F2: variants seen among roughly 807,000 people sequenced by gnomAD.
F2 encodes prothrombin.
F2 carries 34 observed loss-of-function variants against 81.9 expected under a neutral mutation model. The observed-to-expected ratio is 0.42, with a 90% confidence interval of 0.32 to 0.55. The LOEUF (loss-of-function observed/expected upper bound fraction) is 0.55. F2 is among the 20% of genes least tolerant of loss of function. F2 has a pLI of 0.18. For synonymous variants in F2, 296 were observed against 326.4 expected, an observed-to-expected ratio of 0.91 and a Z score of 1.01; for missense variants, 630 against 833.4, an observed-to-expected ratio of 0.76 and a Z score of 3.00.
chr11:46,720,676 C>G, intron 3 of F2, 114 bp from the exon 4 acceptor site: 3 of 1,495,786 alleles, frequency 2.0e-6, no homozygotes, highest in Non-Finnish European at 1.9e-6. Flanking sequence ...CTTCCTTGGT[C>G]CCTCCCATCT....
rs766344504 is a variant in F2, at chr11:46,728,177, G to T, written c.1298+14G>T. On this transcript the variant is annotated intron_variant, in intron 10 of 13. Coordinates refer to ENST00000311907, the MANE Select transcript of F2 (RefSeq NM_000506.5). This position sits in a 1 kb window ranked among gnomAD's most constrained non-coding sequence, Gnocchi z 5.1. ...CTCCCGCACCAGGTACAGAACTGGT[G>T]GCCCGTGGGTGTCTGGCAGGGGTCT... The T allele has an allele frequency of 1.2e-6, 2 of 1,603,434 alleles. No homozygotes were observed. Among genetic ancestry groups the T allele is most frequent in the East Asian group, 4.5e-5 (2 of 44,682 alleles).
rs1463137128 is a variant in F2 at position 46,723,881 on chromosome 11, ACT to A, written c.559+366_559+367del. Among the ~76,000 whole-genome samples the A allele has an allele frequency of 3.3e-5, 5 of 151,066 alleles. No individual in the cohort carries two copies. Among genetic ancestry groups the A allele is most frequent in the African/African-American group, 9.7e-5 (4 of 41,130 alleles). ...CTTCAGCCTGGGCGACAAGAGCAAA[ACT>A]CTGTCTCAAAGAAAAAAAAAAGATG... On this transcript the variant is annotated intron_variant, in intron 6 of 13. Coordinates refer to ENST00000311907, the MANE Select transcript of F2 (RefSeq NM_000506.5). The surrounding 1 kb of genome is among the most constrained non-coding windows in gnomAD (Gnocchi z 5.6).
At position 46,726,158 on chromosome 11, in the gene F2, G is replaced by T; in HGVS notation, c.859G>T (p.Asp287Tyr). Residue 287 changes from aspartate (D) to tyrosine (Y), a missense_variant, in exon 7 of 14, where the codon GAC becomes TAC. Coordinates refer to ENST00000311907, the MANE Select transcript of F2 (RefSeq NM_000506.5). The surrounding 1 kb of genome is among the most constrained non-coding windows in gnomAD (Gnocchi z 5.9). ...AGKPGDFGYC[D>Y]LNYCEEAVEE... ...GAAGCCTGGCGACTTTGGGTACTGCGACCTCAACTATTGTGGTGAGCTGCC... is the reference window on the plus strand; with the variant it reads ...GAAGCCTGGCGACTTTGGGTACTGCTACCTCAACTATTGTGGTGAGCTGCC... 1 of 1,613,810 alleles carries T rather than the reference G, an allele frequency of 6.2e-7. No individual in the cohort carries two copies. Among genetic ancestry groups the T allele is most frequent in the South Asian group, 1.1e-5 (1 of 91,058 alleles).
chr11:46,723,387 A>G lies in F2; in HGVS notation c.428A>G (p.Asn143Ser). Residue 143 changes from asparagine to serine, a missense_variant, in exon 6 of 14, where the codon AAC becomes AGC. By Grantham distance (46) the Asn-to-Ser change is conservative. Transcript: ENST00000311907. This position sits in a 1 kb window ranked among gnomAD's most constrained non-coding sequence, Gnocchi z 5.6. Reference sequence around the variant, plus strand: ...TGGGCAATTTCCTGTTCCAGAATCAACTCCACTACCCATCCTGGGGCCGAC... The same window carrying G: ...TGGGCAATTTCCTGTTCCAGAATCAGCTCCACTACCCATCCTGGGGCCGAC... The part of the protein sequence containing the change: ...RSRYPHKPEI[N>S]STTHPGADLQ... 6.2e-7 allele frequency: 1 copy of G among 1,613,468 alleles called. No homozygotes were observed. The highest frequency in any genetic ancestry group is 8.5e-7 in the Non-Finnish European group (1 of 1,179,856).
Position 46,719,326 on chromosome 11 carries a change from C to T in F2, c.79+12C>T. 3 of 1,611,194 alleles carry T rather than the reference C, an allele frequency of 1.9e-6. No homozygotes were observed. Among genetic ancestry groups the T allele is most frequent in the Non-Finnish European group, 2.5e-6 (3 of 1,179,172 alleles). On this transcript the variant is annotated intron_variant, in intron 1 of 13. Coordinates refer to ENST00000311907, the MANE Select transcript of F2 (RefSeq NM_000506.5). The surrounding 1 kb of genome is among the most constrained non-coding windows in gnomAD (Gnocchi z 4.7). ...GCACAGCCAGCATGGTAAGGGAGTGCTTGCAGGCTGGAACAGGCTGGAGGA... is the reference window on the plus strand; with the variant it reads ...GCACAGCCAGCATGGTAAGGGAGTGTTTGCAGGCTGGAACAGGCTGGAGGA...
At chr11:46,730,068 G>A (rs2064901643) in intron 12 of F2, among the ~76,000 whole-genome samples, 1 of 152,180 alleles carries the variant, frequency 6.6e-6, no homozygotes, top group African/African-American at 2.4e-5. Context: ...GGCCAGACAA[G>A]GTGGGCAGAT....
At chr11:46,721,843 T>G (rs1362603694) in intron 4 of F2, among the ~76,000 whole-genome samples, 1 of 145,230 alleles carries the variant, frequency 6.9e-6, no homozygotes, top group South Asian at 2.1e-4. Context: ...ATACTTTCAT[T>G]TTTTTTTTTT....
At chr11:46,731,128 G>A (rs1177231621) in intron 12 of F2, among the ~76,000 whole-genome samples, 1 of 152,116 alleles carries the variant, frequency 6.6e-6, no homozygotes, top group Admixed American at 6.6e-5. Flanking sequence ...TGTTGGCCAG[G>A]CTGGTCTTGA....
At chr11:46,720,201 G>GC in intron 2 of F2, 1 of 546,756 alleles carries the variant, frequency 1.8e-6, no homozygotes, top group Non-Finnish European at 3.3e-6. Flanking sequence ...GCCACCACAA[G>GC]CCCCCGGGCT....
At chr11:46,730,801 C>CATATATATATATATATATATAT (rs1555157927) in intron 12 of F2, among the ~76,000 whole-genome samples, 14 of 135,502 alleles carry the variant, frequency 1.0e-4, no homozygotes, top group Non-Finnish European at 2.2e-4. Context: ...TATATATATG[C>CATATATATATATATATATATAT]ATAGTTTGAG....
intron 12 of F2, among the ~76,000 whole-genome samples, 162 bp from the exon 13 acceptor site, chr11:46,738,886 A>T (rs1179324365): frequency 6.6e-6 from 1 of 152,226 alleles, no homozygotes; most frequent in African/African-American, 2.4e-5. Flanking sequence ...TGCTGAAGGT[A>T]GAGCCGACAA....
intron 12 of F2, among the ~76,000 whole-genome samples, chr11:46,733,949 C>T (rs1278211835): frequency 1.3e-5 from 2 of 151,356 alleles, no homozygotes; most frequent in Admixed American, 6.6e-5. Context: ...TCACCATGCC[C>T]GCTAATTTTT....
rs781624277 is a variant in F2 at position 46,728,502 on chromosome 11, C to A, written c.1299-162C>A. Among the ~76,000 whole-genome samples the A allele has an allele frequency of 6.6e-6, 1 of 152,182 alleles. No individual in the cohort carries two copies. The highest frequency in any genetic ancestry group is 1.5e-5 in the Non-Finnish European group (1 of 68,032). On this transcript the variant is annotated intron_variant, in intron 10 of 13. Transcript: ENST00000311907. This position sits in a 1 kb window ranked among gnomAD's most constrained non-coding sequence, Gnocchi z 5.1. ...CCAAAGCCCTGCACGGCTTTAGGCC[C>A]AGGAAGAAACACCCAGGGGGCTGCC... is the stretch of plus-strand genomic sequence containing the variant.
rs1316360993 is a variant in F2, at chr11:46,723,082, G to T, written c.317-98G>T. 1 of 979,120 alleles carries T rather than the reference G, an allele frequency of 1.0e-6. No homozygotes were observed. The highest frequency in any genetic ancestry group is 1.6e-5 in the African/African-American group (1 of 62,930). 60.7% of individuals were successfully genotyped at this position (979,120 alleles called of 1,614,324 possible). ...GGGTGAATGCAGGTTCAGGATTGTG[G>T]ACCTGCATGAGCTGGGAGGTGGGGG... On this transcript the variant is annotated intron_variant, in intron 4 of 13. Coordinates refer to ENST00000311907, the MANE Select transcript of F2 (RefSeq NM_000506.5). The surrounding 1 kb of genome is among the most constrained non-coding windows in gnomAD (Gnocchi z 5.6).
chr11:46,736,879 C>T (rs1223085206), intron 12 of F2, among the ~76,000 whole-genome samples: 1 of 152,144 alleles, frequency 6.6e-6, no homozygotes, highest in Non-Finnish European at 1.5e-5. Context: ...GGGATTATGA[C>T]ACTTCAACAA....
intron 9 of F2, 92 bp from the exon 10 acceptor site, chr11:46,727,904 G>C: frequency 1.4e-6 from 2 of 1,448,206 alleles, no homozygotes; most frequent in Non-Finnish European, 1.9e-6. Flanking sequence ...CTGCCCAGCT[G>C]GGTTCTTAGA....
intron 2 of F2, chr11:46,720,299 C>T (rs2064828402): frequency 2.8e-5 from 17 of 611,130 alleles, no homozygotes; most frequent in Middle Eastern, 4.3e-4. Flanking sequence ...CTCCCATCTC[C>T]CCCAGCCTCT....
chr11:46,732,484 T>G (rs2064919749), intron 12 of F2, among the ~76,000 whole-genome samples: 1 of 151,024 alleles, frequency 6.6e-6, no homozygotes, highest in Non-Finnish European at 1.5e-5. Context: ...TGCAACGTCC[T>G]CCTCCCAGGT....
At chr11:46,735,138 CCT>C (rs1055042694) in intron 12 of F2, among the ~76,000 whole-genome samples, 1 of 152,088 alleles carries the variant, frequency 6.6e-6, no homozygotes, top group Non-Finnish European at 1.5e-5. Context: ...ATAGCAAGAC[CCT>C]GTCTCTACAA....
Sources: gnomAD v4.1 joint callset for allele counts (sites outside exome capture counted in the v4.1 genomes callset) on GRCh38, gnomAD v4.1.1 for gene constraint, Gnocchi (gnomAD v3.1) non-coding constraint, MANE v1.5 for transcripts, NCBI Gene and HGNC (gene_info 2026-07-23, HGNC 2026-07-21) for gene names.